Variants in ABCB5 observed in about 807,000 individuals in gnomAD.
The protein encoded by ABCB5 is ATP binding cassette subfamily B member 5.
In ABCB5, 155 loss-of-function variants were observed where a neutral mutation model predicts 144.2. That is an observed-to-expected ratio of 1.08 (90% CI 0.94 to 1.23). ABCB5 has a LOEUF of 1.23. Among genes scored for constraint, ABCB5 ranks in the 50% most tolerant of loss-of-function variants. The probability of loss-of-function intolerance (pLI) is 0.00; values close to 1 mark genes in which losing one functional copy is unlikely to be tolerated. For synonymous variants in ABCB5, 610 were observed against 528.6 expected (o/e 1.15, Z -2.11); for missense variants, 1,830 against 1,520.8 (o/e 1.20, Z -3.38).
intron 26 of ABCB5, among the ~76,000 whole-genome samples, chr7:20,749,220 C>G (rs918615271): frequency 7.2e-6 from 1 of 139,050 alleles, no homozygotes; most frequent in Non-Finnish European, 1.6e-5. Context: ...CTCCCTCCCC[C>G]TCTCTCTCTT....
chr7:20,656,906 C>CTTTTTTTTTTTTTTTTTTTTTT (rs1562543053), intron 13 of ABCB5, among the ~76,000 whole-genome samples: 2 of 135,740 alleles, frequency 1.5e-5, no homozygotes, highest in Non-Finnish European at 3.1e-5. Context: ...TTTCTTTTTC[C>CTTTTTTTTTTTTTTTTTTTTTT]TTTTTCTTTT....
Position 20,745,456 on chromosome 7 carries a change from A to C in ABCB5, c.3429+18A>C. The C allele has an allele frequency of 6.2e-7, 1 of 1,613,006 alleles. No individual in the cohort carries two copies. The highest frequency in any genetic ancestry group is 8.5e-7 in the Non-Finnish European group (1 of 1,179,396). ...TCCCTGAGGTAAGAAAATTTCTGAAATCTTGAATTATAAAGCTGCCAAGTA... is the reference window on the plus strand; with the variant it reads ...TCCCTGAGGTAAGAAAATTTCTGAACTCTTGAATTATAAAGCTGCCAAGTA... On this transcript the variant is annotated intron_variant, in intron 26 of 27. Transcript: ENST00000404938.
At chr7:20,745,876 G>C (rs1782703741) in intron 26 of ABCB5, among the ~76,000 whole-genome samples, 1 of 152,168 alleles carries the variant, frequency 6.6e-6, no homozygotes, top group Non-Finnish European at 1.5e-5. Flanking sequence ...TGTGCGCTTA[G>C]AATAAAGCCC....
rs572850515 is a variant in ABCB5, at chr7:20,715,418, T to C, written c.2422-7598T>C. 4.0e-5 allele frequency among the ~76,000 whole-genome samples: 6 copies of C among 151,860 alleles called. No homozygotes were observed. In the East Asian group the frequency reaches 1.2e-3, roughly 29 times the overall value. ...TGCGTGGTGTATGTGTGTGTGTGCG[T>C]GTGTGTGTGTGAAACAGGGTCTCAC... is the stretch of plus-strand genomic sequence containing the variant. On this transcript the variant is annotated intron_variant, in intron 20 of 27. Transcript: ENST00000404938.
intron 5 of ABCB5, among the ~76,000 whole-genome samples, chr7:20,636,196 GA>G (rs1562530866): frequency 1.3e-5 from 2 of 152,018 alleles, no homozygotes; most frequent in Admixed American, 6.6e-5. Context: ...TGGATCTTTT[GA>G]AAATTCTTGA....
In ABCB5 at chr7:20,638,179, T is replaced by G. The variant is rs181210104; in HGVS notation, c.315-5005T>G. On this transcript the variant is annotated intron_variant, in intron 5 of 27. Coordinates refer to ENST00000404938, the MANE Select transcript of ABCB5 (RefSeq NM_001163941.2). ...TTATTTTTTCTGATTAAATCATATTTTCACTGCAGAAAATGTGAAAAGATA... is the reference window on the plus strand; with the variant it reads ...TTATTTTTTCTGATTAAATCATATTGTCACTGCAGAAAATGTGAAAAGATA... Among the ~76,000 whole-genome samples, 11 of 152,278 alleles carry G rather than the reference T, an allele frequency of 7.2e-5. No homozygotes were observed. The East Asian group carries it at 2.1e-3, about 29-fold the overall frequency.
intron 14 of ABCB5, among the ~76,000 whole-genome samples, chr7:20,668,641 A>G (rs1408647618): frequency 7.9e-6 from 1 of 126,952 alleles, no homozygotes; most frequent in Admixed American, 8.2e-5. Flanking sequence ...CCGGGAGGTG[A>G]GGGACTCCTC....
chr7:20,706,982 G>T (rs1005918981), intron 20 of ABCB5, among the ~76,000 whole-genome samples: 1 of 152,080 alleles, frequency 6.6e-6, no homozygotes, highest in African/African-American at 2.4e-5. Flanking sequence ...CAATTTCAAT[G>T]GACAGTTTTT....
intron 16 of ABCB5, among the ~76,000 whole-genome samples, chr7:20,689,471 T>C (rs1400943164): frequency 6.6e-6 from 1 of 152,174 alleles, no homozygotes; most frequent in African/African-American, 2.4e-5. Flanking sequence ...CTAGCCAAGA[T>C]TGTCATCTGC....
chr7:20,617,954 C>T (rs892679495), intron 1 of ABCB5, among the ~76,000 whole-genome samples: 3 of 152,002 alleles, frequency 2.0e-5, no homozygotes, highest in Admixed American at 6.5e-5. Flanking sequence ...TATCACAGCT[C>T]CTAAATAAAC....
Position 20,727,158 on chromosome 7 carries a change from C to T in ABCB5, c.2726+18C>T, listed in dbSNP as rs1782063390. On this transcript the variant is annotated intron_variant, in intron 22 of 27. Transcript: ENST00000404938. ...CAACACAGGTGATTATAGATTCATA[C>T]TGACTTCAAAAACTTAATTTTGTTC... 6.3e-7 allele frequency: 1 copy of T among 1,596,658 alleles called. No individual in the cohort carries two copies. Among genetic ancestry groups the T allele is most frequent in the Non-Finnish European group, 8.6e-7 (1 of 1,167,562 alleles).
intron 5 of ABCB5, chr7:20,641,855 GC>G (rs1161859887): frequency 6.5e-6 from 1 of 152,846 alleles, no homozygotes; most frequent in African/African-American, 2.4e-5. Flanking sequence ...CAGGAATGGA[GC>G]TTTTTGCTTT....
intron 24 of ABCB5, among the ~76,000 whole-genome samples, chr7:20,741,071 C>G (rs1295773172): frequency 6.6e-6 from 1 of 150,620 alleles, no homozygotes. Context: ...CCACTGTACT[C>G]CAGCCTGGGT....
Position 20,742,111 on chromosome 7 carries a change from C to T in ABCB5, c.3025-766C>T, listed in dbSNP as rs1048869315. ...AGATAGGGCTGGGTGTGGTGGCTCA[C>T]GCCTGTAATCCCAGCACTTCGGGAG... On this transcript the variant is annotated intron_variant, in intron 24 of 27. Coordinates refer to ENST00000404938, the MANE Select transcript of ABCB5 (RefSeq NM_001163941.2). Among the ~76,000 whole-genome samples, 15 of 152,262 alleles carry T rather than the reference C, an allele frequency of 9.9e-5. No homozygotes were observed. In the Middle Eastern group the frequency reaches 0.014, roughly 138 times the overall value.
intron 23 of ABCB5, among the ~76,000 whole-genome samples, chr7:20,737,254 T>A (rs982053364): frequency 6.6e-6 from 1 of 152,084 alleles, no homozygotes; most frequent in Admixed American, 6.6e-5. Flanking sequence ...GTCTTCAACA[T>A]AACCCTCATC....
At chr7:20,681,012 T>C (rs1050324916) in intron 14 of ABCB5, among the ~76,000 whole-genome samples, 15 of 4,902 alleles carry the variant, frequency 3.1e-3, no homozygotes, top group East Asian at 0.05. Context: ...CTTTCTTTCT[T>C]TCTTTCTTTC....
At chr7:20,640,029 A>G (rs1271835013) in intron 5 of ABCB5, among the ~76,000 whole-genome samples, 2 of 152,062 alleles carry the variant, frequency 1.3e-5, no homozygotes, top group Admixed American at 1.3e-4. Flanking sequence ...AACTTCTCCT[A>G]ATAATGTGTT....
At chr7:20,663,250 C>A (rs891328799) in intron 14 of ABCB5, among the ~76,000 whole-genome samples, 3 of 152,090 alleles carry the variant, frequency 2.0e-5, no homozygotes, top group African/African-American at 7.2e-5. Context: ...GAGTATATGC[C>A]CAAAATAATT....
chr7:20,671,965 C>T (rs527660455), intron 14 of ABCB5, among the ~76,000 whole-genome samples: 2 of 152,192 alleles, frequency 1.3e-5, no homozygotes, highest in Non-Finnish European at 1.5e-5. Context: ...ACAACTTGCC[C>T]ACACTTCATA....
Sources: allele counts gnomAD v4.1 joint callset (sites outside exome capture counted in the v4.1 genomes callset), GRCh38; gene constraint gnomAD v4.1.1; transcripts MANE v1.5; gene names NCBI Gene and HGNC (gene_info 2026-07-23, HGNC 2026-07-21).